Variants in KIF11 observed in about 807,000 individuals in gnomAD.
KIF11 encodes the protein kinesin family member 11.
Under a neutral mutation model 121.0 loss-of-function variants are expected in KIF11, and 9 were observed. The observed-to-expected ratio is 0.07, with a 90% confidence interval of 0.04 to 0.13. The LOEUF (loss-of-function observed/expected upper bound fraction) is 0.13. Ranked by LOEUF, KIF11 falls within the 10% of genes least tolerant of loss-of-function variation. The pLI, the probability that KIF11 is intolerant of heterozygous loss-of-function variation, is 1.00. For missense variants in KIF11, 846 were observed against 1,217.5 expected (o/e 0.69, Z 4.54); for synonymous variants, 408 against 421.0 (o/e 0.97, Z 0.38).
chr10:92,650,307 A>AC, intron 20 of KIF11, 94 bp from the exon 21 acceptor site: 1 of 733,034 alleles, frequency 1.4e-6, no homozygotes, highest in Non-Finnish European at 2.4e-6. Context: ...TTTATATTAT[A>AC]CCATGGGCAT....
chr10:92,615,520 A>G (rs537159866), intron 8 of KIF11, among the ~76,000 whole-genome samples: 6 of 152,320 alleles, frequency 3.9e-5, no homozygotes, highest in Non-Finnish European at 7.3e-5. Context: ...ATATTAATTT[A>G]ATAATTCTAG....
chr10:92,648,624 A>G (rs541803310), intron 19 of KIF11, among the ~76,000 whole-genome samples, 190 bp downstream of exon 19: 4 of 152,340 alleles, frequency 2.6e-5, no homozygotes, highest in Admixed American at 2.0e-4. Flanking sequence ...TACAGGTGGT[A>G]TCACAATTCA....
chr10:92,621,269 T>C (rs1014454187), intron 9 of KIF11, 116 bp from the exon 10 acceptor site: 1 of 535,730 alleles, frequency 1.9e-6, no homozygotes, highest in Admixed American at 3.4e-5. Flanking sequence ...TTATCATACT[T>C]CTTTAAGTTT....
chr10:92,650,921 T>TTTAA (rs1316054751), intron 21 of KIF11, among the ~76,000 whole-genome samples: 16 of 152,066 alleles, frequency 1.1e-4, no homozygotes, highest in Admixed American at 1.0e-3. Flanking sequence ...GCCTCTTAGG[T>TTTAA]TATATTAGTG....
intron 2 of KIF11, 62 bp from the exon 3 acceptor site, chr10:92,606,557 A>G: frequency 7.9e-7 from 1 of 1,272,670 alleles, no homozygotes; most frequent in Non-Finnish European, 1.1e-6. Context: ...CATACGAAAA[A>G]CAAAATTATT....
intron 8 of KIF11, among the ~76,000 whole-genome samples, chr10:92,616,215 GT>G (rs1267863572): frequency 6.3e-4 from 88 of 140,152 alleles, no homozygotes; most frequent in Admixed American, 1.2e-3. Flanking sequence ...TTGTTTTTTT[GT>G]TTTTTTTTTT....
At chr10:92,632,334 A>G (rs1844747210) in intron 12 of KIF11, 152 bp from the exon 13 acceptor site, 1 of 559,170 alleles carries the variant, frequency 1.8e-6, no homozygotes, top group South Asian at 2.3e-5. Context: ...CACCCAGCTA[A>G]TTTTTGTATT....
intron 17 of KIF11, among the ~76,000 whole-genome samples, chr10:92,642,330 T>C (rs1019167625): frequency 2.6e-5 from 4 of 152,236 alleles, no homozygotes; most frequent in Admixed American, 6.5e-5. Flanking sequence ...TTATGGGCTG[T>C]GGTTCCACTG....
At chr10:92,626,365 T>G (rs7071905) in intron 10 of KIF11, among the ~76,000 whole-genome samples, 106,445 of 152,128 alleles carry the variant, frequency 0.7, 38,600 homozygotes, top group East Asian at 0.93. Context: ...ATGTGCAGAA[T>G]ATTGAAACTG....
intron 1 of KIF11, 49 bp downstream of exon 1, chr10:92,593,501 G>GCCC (rs1239859751): frequency 6.6e-7 from 1 of 1,515,688 alleles, no homozygotes; most frequent in South Asian, 1.2e-5. Flanking sequence ...TCGCTGCTGG[G>GCCC]CCCCCTACTG....
Position 92,634,039 on chromosome 10 carries a change from A to G in KIF11, c.1875+244A>G, listed in dbSNP as rs540456214. Among the ~76,000 whole-genome samples, 5 of 152,180 alleles carry G rather than the reference A, an allele frequency of 3.3e-5. No homozygotes were observed. The East Asian group carries it at 9.7e-4, about 29-fold the overall frequency. On this transcript the variant is annotated intron_variant, in intron 14 of 21. Coordinates refer to ENST00000260731, the MANE Select transcript of KIF11 (RefSeq NM_004523.4). ...GTCTCGCTCTGTCGTCCAGGAGTGC[A>G]GTGGCGTGATCTCGGCTCACTGCAA... is the stretch of plus-strand genomic sequence containing the variant.
chr10:92,646,680 G>T (rs909232559), intron 18 of KIF11, among the ~76,000 whole-genome samples: 3 of 152,070 alleles, frequency 2.0e-5, no homozygotes, highest in Non-Finnish European at 4.4e-5. Context: ...GCATCAAAAA[G>T]AATAATGGCC....
rs58499533 is a variant in KIF11, at chr10:92,613,646, G to C, written c.1032+27G>C. The C allele has an allele frequency of 4.5e-4, 713 of 1,581,696 alleles. 1 individual carries two copies. In the African/African-American group the frequency reaches 8.7e-3, roughly 19 times the overall value. Reference sequence around the variant, plus strand: ...TAAGCCCTTTGAAAGGAAGCTGCAAGTGTAGTAGCTGTAATTCTTATTTGG... The same window carrying C: ...TAAGCCCTTTGAAAGGAAGCTGCAACTGTAGTAGCTGTAATTCTTATTTGG... On this transcript the variant is annotated intron_variant, in intron 8 of 21. Coordinates refer to ENST00000260731, the MANE Select transcript of KIF11 (RefSeq NM_004523.4). The surrounding 1 kb of genome is among the most constrained non-coding windows in gnomAD (Gnocchi z 4.2).
chr10:92,596,487 T>C (rs2135894385), intron 1 of KIF11, among the ~76,000 whole-genome samples: 1 of 152,182 alleles, frequency 6.6e-6, no homozygotes, highest in South Asian at 2.1e-4. Context: ...CTACCAACAG[T>C]GCATAAGGGT....
chr10:92,608,727 G>T (rs998711767), intron 4 of KIF11, among the ~76,000 whole-genome samples: 2 of 152,138 alleles, frequency 1.3e-5, no homozygotes, highest in Admixed American at 6.5e-5. Context: ...GTGAGCCACC[G>T]TGCCTGGCCG....
Position 92,637,426 on chromosome 10 carries a change from A to G in KIF11, c.2041A>G (p.Ile681Val). 6 of 1,594,240 alleles carry G rather than the reference A, an allele frequency of 3.8e-6. No individual in the cohort carries two copies. Among genetic ancestry groups the G allele is most frequent in the South Asian group, 1.2e-5 (1 of 86,618 alleles). Residue 681 changes from isoleucine (I) to valine (V), a missense_variant, in exon 16 of 22, where the codon ATA (isoleucine) becomes GTA (valine). Transcript: ENST00000260731. ...QKKELDGFLS[I>V]LCNNLHELQE... ...AAAGGAACTAGATGGCTTTCTCAGT[A>G]TACTGTGTAACAATCTACATGAACT...
In KIF11 at chr10:92,609,003, C is replaced by G. The variant is rs1326802907; in HGVS notation, c.388-17C>G. On this transcript the variant is annotated splice_polypyrimidine_tract_variant and intron_variant, in intron 4 of 21. Transcript: ENST00000260731. ...AATGGCATTCTTCCTTTATATTAGT[C>G]CTTATTATAATTTCAGGATCCCTTG... 9 of 1,439,734 alleles carry G rather than the reference C, an allele frequency of 6.3e-6. No homozygotes were observed. The highest frequency in any genetic ancestry group is 8.4e-6 in the Non-Finnish European group (9 of 1,070,482). 89.2% of individuals were successfully genotyped at this position (1,439,734 alleles called of 1,614,324 possible).
intron 2 of KIF11, 83 bp from the exon 3 acceptor site, chr10:92,606,535 TG>T: frequency 1.7e-6 from 2 of 1,146,724 alleles, no homozygotes; most frequent in Non-Finnish European, 2.5e-6. Context: ...GGCTGAATTA[TG>T]AATTAGTTAA....
At chr10:92,641,112 C>A (rs2135921259) in intron 17 of KIF11, among the ~76,000 whole-genome samples, 1 of 152,264 alleles carries the variant, frequency 6.6e-6, no homozygotes, top group African/African-American at 2.4e-5. Flanking sequence ...TTAACATACA[C>A]TACAGTCAGA....
Sources: gnomAD v4.1 joint callset for allele counts (sites outside exome capture counted in the v4.1 genomes callset) on GRCh38, gnomAD v4.1.1 for gene constraint, Gnocchi (gnomAD v3.1) non-coding constraint, MANE v1.5 for transcripts, NCBI Gene and HGNC (gene_info 2026-07-23, HGNC 2026-07-21) for gene names.